LRTM3: variants seen among roughly 807,000 people sequenced by gnomAD.
The protein encoded by LRTM3 is leucine-rich repeat transmembrane protein 3.
the LRTM3 span, chr13:102,737,910 G>T: frequency 6.4e-7 from 1 of 1,550,738 alleles, no homozygotes. Context: ...ACTCTTTCCT[G>T]TTCATTCTTG....
the LRTM3 span, among the ~76,000 whole-genome samples, chr13:102,755,960 T>TAC: frequency 0.54 from 52,524 of 97,912 alleles, 12,545 homozygotes; most frequent in Non-Finnish European, 0.62. Context: ...TATATATATA[T>TAC]ATTTTTTTTT....
At chr13:102,748,218 T>C in the LRTM3 span, 1 of 1,551,236 alleles carries the variant, frequency 6.4e-7, no homozygotes, top group Non-Finnish European at 8.7e-7. Context: ...TTTGTTATGT[T>C]ACTTCCAGTG....
the LRTM3 span, chr13:102,730,858 T>C: frequency 3.9e-6 from 6 of 1,551,362 alleles, no homozygotes; most frequent in African/African-American, 5.5e-5. Context: ...CAAGATCTAT[T>C]TGATGGAGAG....
chr13:102,747,488 C>T, the LRTM3 span: 1 of 1,549,824 alleles, frequency 6.5e-7, no homozygotes, highest in Non-Finnish European at 8.7e-7. Context: ...AATTTCCTGC[C>T]TTTTAAAATA....
chr13:102,752,684 C>G, the LRTM3 span, among the ~76,000 whole-genome samples: 1 of 152,102 alleles, frequency 6.6e-6, no homozygotes, highest in Non-Finnish European at 1.5e-5. Context: ...AATATATAGG[C>G]TATTTTATGG....
the LRTM3 span, chr13:102,730,885 T>C: frequency 2.6e-6 from 4 of 1,551,352 alleles, no homozygotes; most frequent in Non-Finnish European, 3.5e-6. Context: ...CCTCAGAAAG[T>C]AACAAAATTC....
At chr13:102,746,536 C>A in the LRTM3 span, 23 of 1,550,846 alleles carry the variant, frequency 1.5e-5, no homozygotes, top group Admixed American at 3.7e-4. Context: ...ATTCTGATTT[C>A]TTTCTGTGGC....
chr13:102,739,124 A>G, the LRTM3 span: 3 of 1,550,522 alleles, frequency 1.9e-6, no homozygotes, highest in Non-Finnish European at 2.6e-6. Flanking sequence ...TGGAGAAAGA[A>G]TAGAAGCACA....
At chr13:102,750,262 A>G in the LRTM3 span, 1 of 1,551,246 alleles carries the variant, frequency 6.4e-7, no homozygotes, top group Non-Finnish European at 8.7e-7. Context: ...GACTTACTTG[A>G]TCTTCACTTT....
chr13:102,743,356 G>C, the LRTM3 span: 1 of 1,550,474 alleles, frequency 6.4e-7, no homozygotes, highest in Non-Finnish European at 8.7e-7. Flanking sequence ...AATCTGGAGT[G>C]AAGGAAGTTG....
At chr13:102,749,726 T>G in the LRTM3 span, 2 of 1,551,432 alleles carry the variant, frequency 1.3e-6, no homozygotes, top group Admixed American at 3.9e-5. Flanking sequence ...TTCTTGGTTA[T>G]GATTTATATA....
At chr13:102,739,498 A>G in the LRTM3 span, 7 of 1,550,284 alleles carry the variant, frequency 4.5e-6, no homozygotes, top group Admixed American at 2.0e-5. Flanking sequence ...TTGAATTACT[A>G]TGTGATAGAG....
chr13:102,749,932 A>C, the LRTM3 span: 7 of 1,551,260 alleles, frequency 4.5e-6, no homozygotes, highest in East Asian at 1.5e-4. Context: ...AAGGAATTTG[A>C]TTCCTCACAT....
At chr13:102,744,512 T>G in the LRTM3 span, 1 of 1,550,584 alleles carries the variant, frequency 6.4e-7, no homozygotes, top group South Asian at 1.2e-5. Flanking sequence ...ATGAGGACTT[T>G]GTTTCATCAT....
the LRTM3 span, chr13:102,740,302 T>G: frequency 6.5e-7 from 1 of 1,550,214 alleles, no homozygotes; most frequent in Non-Finnish European, 8.7e-7. Context: ...TCATCTGCCT[T>G]GGAGAAATCA....
chr13:102,742,136 T>C, the LRTM3 span: 1 of 1,550,368 alleles, frequency 6.5e-7, no homozygotes, highest in Non-Finnish European at 8.7e-7. Context: ...GTATCCAGAG[T>C]CATAAACAGC....
the LRTM3 span, chr13:102,758,890 C>G: frequency 6.5e-7 from 1 of 1,547,598 alleles, no homozygotes; most frequent in African/African-American, 1.4e-5. Context: ...TCTTCCAGTC[C>G]ACTCCCTACC....
At chr13:102,743,297 C>T in the LRTM3 span, 3 of 1,550,408 alleles carry the variant, frequency 1.9e-6, no homozygotes, top group African/African-American at 1.4e-5. Flanking sequence ...CCCTGATATT[C>T]TCATGTCTAT....
the LRTM3 span, chr13:102,736,524 G>A: frequency 1.7e-5 from 26 of 1,551,148 alleles, no homozygotes; most frequent in Middle Eastern, 1.7e-4. Context: ...ATCTCAAGAT[G>A]TGGCATAAAG....
Sources: gnomAD v4.1 joint callset for allele counts (sites outside exome capture counted in the v4.1 genomes callset) on GRCh38, gnomAD v4.1.1 for gene constraint, MANE v1.5 for transcripts, NCBI Gene and HGNC (gene_info 2026-07-23, HGNC 2026-07-21) for gene names.